MTUS1: variants seen among roughly 807,000 people sequenced by gnomAD.
The protein encoded by MTUS1 is microtubule associated scaffold protein 1.
MTUS1 carries 109 observed loss-of-function variants against 120.8 expected under a neutral mutation model. The observed-to-expected ratio is 0.90, with a 90% confidence interval of 0.77 to 1.06. The LOEUF (loss-of-function observed/expected upper bound fraction) is 1.06, where lower values mean the gene tolerates loss of function less well. Ranked by LOEUF, MTUS1 falls within the 50% of genes least tolerant of loss-of-function variation. The probability of loss-of-function intolerance (pLI) is 0.00; values close to 1 mark genes in which losing one functional copy is unlikely to be tolerated. For missense variants in MTUS1, 2,210 were observed against 1,486.3 expected (o/e 1.49, Z -8.01); for synonymous variants, 737 against 550.5 (o/e 1.34, Z -4.74).
intron 12 of MTUS1, 88 bp downstream of exon 12, chr8:17,653,098 A>G (rs1807381643): frequency 1.4e-6 from 1 of 734,028 alleles, no homozygotes; most frequent in Non-Finnish European, 2.3e-6. Context: ...AACCTGTGTT[A>G]TTTCTCTGGC....
chr8:17,697,311 G>T (rs766325276), intron 6 of MTUS1: 12 of 1,614,030 alleles, frequency 7.4e-6, no homozygotes, highest in Middle Eastern at 1.6e-4. Flanking sequence ...CGAAGGTTTC[G>T]AAGCAATCCT....
At chr8:17,753,100 A>G (rs1238848619) in intron 2 of MTUS1, among the ~76,000 whole-genome samples, 1 of 152,210 alleles carries the variant, frequency 6.6e-6, no homozygotes, top group African/African-American at 2.4e-5. Flanking sequence ...TTTATTTTAT[A>G]TACCAGGAAT....
At chr8:17,663,386 T>C (rs1181078796) in intron 8 of MTUS1, among the ~76,000 whole-genome samples, 1 of 152,224 alleles carries the variant, frequency 6.6e-6, no homozygotes, top group Non-Finnish European at 1.5e-5. Context: ...TAATATTCTT[T>C]TGAAATGATA....
intron 2 of MTUS1, among the ~76,000 whole-genome samples, chr8:17,749,809 A>G (rs1411895832): frequency 4.6e-5 from 7 of 152,142 alleles, no homozygotes; most frequent in African/African-American, 1.7e-4. Context: ...ATGTCTCCCT[A>G]AAATGTGTAA....
chr8:17,770,698 C>T (rs1324911835), intron 1 of MTUS1: 1 of 152,166 alleles, frequency 6.6e-6, no homozygotes, highest in Non-Finnish European at 1.5e-5. Context: ...TTTTATTCTT[C>T]CAAACTAAAG....
chr8:17,677,405 C>G (rs1212709802), intron 7 of MTUS1, among the ~76,000 whole-genome samples: 2 of 151,996 alleles, frequency 1.3e-5, no homozygotes, highest in African/African-American at 4.8e-5. Context: ...ATTCACTTTT[C>G]AGTAGTAACC....
intron 1 of MTUS1, among the ~76,000 whole-genome samples, chr8:17,759,304 C>T (rs1289291215): frequency 6.6e-6 from 1 of 150,732 alleles, no homozygotes; most frequent in Non-Finnish European, 1.5e-5. Flanking sequence ...CACTTTGTCA[C>T]CCAAGCTGCA....
chr8:17,735,409 A>G (rs1368372138), intron 3 of MTUS1, among the ~76,000 whole-genome samples: 2 of 152,194 alleles, frequency 1.3e-5, no homozygotes, highest in African/African-American at 4.8e-5. Flanking sequence ...CCGTTCCCAA[A>G]AAATATGTAG....
chr8:17,677,527 GAAA>G, intron 7 of MTUS1, among the ~76,000 whole-genome samples: 1 of 152,264 alleles, frequency 6.6e-6, no homozygotes, highest in South Asian at 2.1e-4. Flanking sequence ...TAACTGCAAA[GAAA>G]AATTGTGTGA....
intron 6 of MTUS1, chr8:17,697,450 C>G: frequency 9.6e-6 from 15 of 1,564,986 alleles, no homozygotes; most frequent in Non-Finnish European, 1.3e-5. Context: ...TCTTTTTAAA[C>G]TCAGTACTCT....
At chr8:17,766,868 T>C (rs2049547046) in intron 1 of MTUS1, among the ~76,000 whole-genome samples, 1 of 152,126 alleles carries the variant, frequency 6.6e-6, no homozygotes, top group Admixed American at 6.5e-5. Context: ...TTTTAAAATA[T>C]GATCTTTCTT....
intron 5 of MTUS1, among the ~76,000 whole-genome samples, chr8:17,715,407 C>G (rs28386849): frequency 0.011 from 1,728 of 152,250 alleles, 40 homozygotes; most frequent in African/African-American, 0.04. Context: ...GACATGAAGA[C>G]ACAAGTACAG....
At chr8:17,694,755 G>C (rs1166705965) in intron 6 of MTUS1, among the ~76,000 whole-genome samples, 1 of 152,150 alleles carries the variant, frequency 6.6e-6, no homozygotes, top group Admixed American at 6.5e-5. Context: ...GATAATTCAT[G>C]AGTATTAACT....
In MTUS1 at chr8:17,747,283, G is replaced by T. The variant is rs549216674; in HGVS notation, c.2092-3484C>A. 2.0e-5 allele frequency among the ~76,000 whole-genome samples: 3 copies of T among 152,194 alleles called. No homozygotes were observed. In the East Asian group the frequency reaches 5.8e-4, roughly 29 times the overall value. On this transcript the variant is annotated intron_variant, in intron 2 of 14. Transcript: ENST00000693296. The stretch of plus-strand genomic sequence containing the variant: ...AATCTTCTCATATTTCTTCAGCTTT[G>T]TACTCTACCCAGAATACCTGCCCTT...
At chr8:17,701,010 G>A (rs374386) in intron 6 of MTUS1, among the ~76,000 whole-genome samples, 94,350 of 151,632 alleles carry the variant, frequency 0.62, 29,519 homozygotes, top group Middle Eastern at 0.73. Context: ...TAATCTGTAT[G>A]GGGTGCTTAG....
chr8:17,712,929 C>G (rs1306796201), intron 6 of MTUS1, among the ~76,000 whole-genome samples: 4 of 152,134 alleles, frequency 2.6e-5, no homozygotes, highest in Non-Finnish European at 5.9e-5. Flanking sequence ...TAGCATTGAT[C>G]TTGGGGGAAG....
chr8:17,760,741 G>A (rs142684174), intron 1 of MTUS1, among the ~76,000 whole-genome samples: 1 of 146,378 alleles, frequency 6.8e-6, no homozygotes, highest in East Asian at 2.0e-4. Flanking sequence ...TGCCATCTTA[G>A]AAATATTTTG....
In MTUS1 at chr8:17,643,804, G is replaced by C. The variant is rs1805306403; in HGVS notation, c.*2122C>G. 6.6e-6 allele frequency: 1 copy of C among 152,182 alleles called. No individual in the cohort carries two copies. The highest frequency in any genetic ancestry group is 1.5e-5 in the Non-Finnish European group (1 of 68,042). 9.4% of individuals were successfully genotyped at this position (152,182 alleles called of 1,614,324 possible). On this transcript the variant is annotated 3_prime_UTR_variant, in exon 15 of 15. Transcript: ENST00000693296. ...AAGTAGGTCAGAGGATGCAATTCTT[G>C]AGTATTCCAGCATTATTTATTTGAT...
intron 6 of MTUS1, among the ~76,000 whole-genome samples, chr8:17,687,545 G>C (rs1366976683): frequency 6.6e-6 from 1 of 152,128 alleles, no homozygotes; most frequent in African/African-American, 2.4e-5. Context: ...AAATTATTTT[G>C]TTTACTGTAC....
Sources: allele counts gnomAD v4.1 joint callset (sites outside exome capture counted in the v4.1 genomes callset), GRCh38; gene constraint gnomAD v4.1.1; transcripts MANE v1.5; gene names NCBI Gene and HGNC (gene_info 2026-07-23, HGNC 2026-07-21).